Variants in HIP1 observed in about 807,000 individuals in gnomAD.
HIP1 encodes huntingtin-interacting protein 1.
Under a neutral mutation model 147.6 loss-of-function variants are expected in HIP1, and 65 were observed. The observed-to-expected ratio is 0.44, with a 90% CI of 0.36 to 0.54. The LOEUF (loss-of-function observed/expected upper bound fraction) is 0.54, where lower values mean the gene tolerates loss of function less well. HIP1 is among the 20% of genes least tolerant of loss of function. HIP1 has a pLI of 0.00. For missense variants in HIP1, 1,061 were observed against 1,299.6 expected (o/e 0.82, Z 2.82); for synonymous variants, 479 against 504.0 (o/e 0.95, Z 0.67).
At chr7:75,680,660 A>C (rs1465275032) in intron 1 of HIP1, among the ~76,000 whole-genome samples, 1 of 151,774 alleles carries the variant, frequency 6.6e-6, no homozygotes, top group Non-Finnish European at 1.5e-5. Flanking sequence ...CCCAGGTTGG[A>C]GTGCAGTGGC....
In HIP1 at chr7:75,603,239, T is replaced by G. The variant is rs1435048328; in HGVS notation, c.121-3992A>C. On this transcript the variant is annotated intron_variant, in intron 1 of 30. Transcript: ENST00000336926. Reference sequence around the variant, plus strand: ...GGTGTGTGCCTGTAGTCCTAGCTATTAGGGAGGTTGAGGCAGGTGGATTGC... The same window carrying G: ...GGTGTGTGCCTGTAGTCCTAGCTATGAGGGAGGTTGAGGCAGGTGGATTGC... 2.6e-5 allele frequency among the ~76,000 whole-genome samples: 4 copies of G among 150,968 alleles called. No individual in the cohort carries two copies. In the East Asian group the frequency reaches 5.9e-4, roughly 22 times the overall value.
intron 24 of HIP1, among the ~76,000 whole-genome samples, chr7:75,547,247 G>C (rs587710555): frequency 6.6e-6 from 1 of 152,232 alleles, no homozygotes; most frequent in Non-Finnish European, 1.5e-5. Flanking sequence ...GTAAGGAATA[G>C]TGAAATTGTG....
chr7:75,673,668 T>C (rs530171365), intron 1 of HIP1, among the ~76,000 whole-genome samples: 12 of 152,050 alleles, frequency 7.9e-5, no homozygotes, highest in African/African-American at 2.7e-4. Context: ...AGCTAGCATA[T>C]AGAAATACAA....
chr7:75,667,101 C>T (rs1357950204), intron 1 of HIP1, among the ~76,000 whole-genome samples: 1 of 151,924 alleles, frequency 6.6e-6, no homozygotes, highest in African/African-American at 2.4e-5. Flanking sequence ...AACTGTTTTT[C>T]TAGACTTTCT....
chr7:75,683,446 A>AG (rs11438509), intron 1 of HIP1, among the ~76,000 whole-genome samples: 103,964 of 151,402 alleles, frequency 0.69, 36,025 homozygotes, highest in African/African-American at 0.77. Context: ...ACTCGTTGGG[A>AG]GTGCACAGGA....
At chr7:75,636,338 G>A (rs936403291) in intron 1 of HIP1, among the ~76,000 whole-genome samples, 28 of 148,210 alleles carry the variant, frequency 1.9e-4, no homozygotes, top group Non-Finnish European at 3.4e-4. Flanking sequence ...GTGACACAGC[G>A]AGACTCTGTC....
At chr7:75,728,349 C>T (rs1313085071) in intron 1 of HIP1, among the ~76,000 whole-genome samples, 1 of 152,224 alleles carries the variant, frequency 6.6e-6, no homozygotes, top group Non-Finnish European at 1.5e-5. Context: ...TCCTCCCTGG[C>T]TGCCCAGGCA....
Position 75,536,248 on chromosome 7 carries a change from C to T in HIP1, c.*1924G>A, listed in dbSNP as rs1794080802. The T allele has an allele frequency of 4.8e-6, 1 of 210,182 alleles. No individual in the cohort carries two copies. Among genetic ancestry groups the T allele is most frequent in the Non-Finnish European group, 9.6e-6 (1 of 104,264 alleles). 13.0% of individuals were successfully genotyped at this position (210,182 alleles called of 1,614,324 possible). A position where few individuals can be genotyped will look rare whatever the true frequency, so the allele number is the denominator to read the frequency against. On this transcript the variant is annotated 3_prime_UTR_variant, in exon 31 of 31. Coordinates refer to ENST00000336926, the MANE Select transcript of HIP1 (RefSeq NM_005338.7). ...TTTCTAGTGCTGATACTTCCTTAGC[C>T]CAGTATGGAGGTCACACGTCTGAGT...
At chr7:75,676,332 A>C (rs1799885667) in intron 1 of HIP1, among the ~76,000 whole-genome samples, 1 of 152,046 alleles carries the variant, frequency 6.6e-6, no homozygotes, top group African/African-American at 2.4e-5. Context: ...GCAGTTTCTA[A>C]CTCTGCCTCA....
At position 75,537,407 on chromosome 7, in the gene HIP1, C is replaced by A; in HGVS notation, c.*765G>T. ...GGTCAGTGTGGAGGCGGAGATGGAG[C>A]ACCGAGAGGCCTGGGCAGCACCATC... On this transcript the variant is annotated 3_prime_UTR_variant, in exon 31 of 31. Coordinates refer to ENST00000336926, the MANE Select transcript of HIP1 (RefSeq NM_005338.7). The A allele has an allele frequency of 4.3e-6, 1 of 233,122 alleles. No homozygotes were observed. Among genetic ancestry groups the A allele is most frequent in the African/African-American group, 2.2e-5 (1 of 45,372 alleles). 14.4% of individuals were successfully genotyped at this position (233,122 alleles called of 1,614,324 possible).
chr7:75,554,223 G>A lies in HIP1; in HGVS notation c.2051-3C>T, dbSNP rs1794905134. On this transcript the variant is annotated splice_polypyrimidine_tract_variant and splice_region_variant and intron_variant, in intron 20 of 30. Transcript: ENST00000336926. ...GGAATGGAGAAGTCCACTGATGTCT[G>A]CCAGGATTGGAAAGAGAAGTTTCTC... 6.2e-7 allele frequency: 1 copy of A among 1,610,982 alleles called. No individual in the cohort carries two copies. Among genetic ancestry groups the A allele is most frequent in the Admixed American group, 1.7e-5 (1 of 59,938 alleles).
intron 5 of HIP1, among the ~76,000 whole-genome samples, chr7:75,584,848 C>T (rs1187337885): frequency 6.7e-6 from 1 of 148,728 alleles, no homozygotes; most frequent in Non-Finnish European, 1.5e-5. Context: ...TTCCATTTAA[C>T]ACTTTTTTTT....
At chr7:75,674,500 T>TTTTTTTTTC (rs1554515725) in intron 1 of HIP1, among the ~76,000 whole-genome samples, 2 of 114,314 alleles carry the variant, frequency 1.7e-5, no homozygotes, top group African/African-American at 6.9e-5. Context: ...CGGCTTTTTG[T>TTTTTTTTTC]TTTTTTTTTT....
intron 1 of HIP1, among the ~76,000 whole-genome samples, chr7:75,664,322 A>G (rs1281316416): frequency 4.1e-5 from 6 of 146,650 alleles, no homozygotes; most frequent in Admixed American, 2.7e-4. Flanking sequence ...ATGTATACAT[A>G]CACATGCATA....
chr7:75,619,975 C>A (rs1304446796), intron 1 of HIP1, among the ~76,000 whole-genome samples: 2 of 152,168 alleles, frequency 1.3e-5, no homozygotes, highest in Non-Finnish European at 2.9e-5. Flanking sequence ...TAGGGGCCAC[C>A]CAGATCTCTC....
chr7:75,674,165 T>C (rs535497223), intron 1 of HIP1, among the ~76,000 whole-genome samples: 9 of 152,306 alleles, frequency 5.9e-5, no homozygotes, highest in African/African-American at 1.7e-4. Context: ...CCAATATGTG[T>C]GCCTTTTACT....
At chr7:75,627,972 C>A (rs12539806) in intron 1 of HIP1, among the ~76,000 whole-genome samples, 28,883 of 152,148 alleles carry the variant, frequency 0.19, 3,440 homozygotes, top group Middle Eastern at 0.27. Flanking sequence ...ACACCATGAA[C>A]AGGGGTTCCA....
At chr7:75,717,189 T>A (rs1554520704) in intron 1 of HIP1, among the ~76,000 whole-genome samples, 3 of 152,078 alleles carry the variant, frequency 2.0e-5, no homozygotes, top group African/African-American at 7.2e-5. Context: ...GAAATTGATA[T>A]TGATGGAATG....
In HIP1 at chr7:75,544,813, G is replaced by C. The variant is rs150210571; in HGVS notation, c.2661-13C>G. 1 of 1,504,196 alleles carries C rather than the reference G, an allele frequency of 6.6e-7. No individual in the cohort carries two copies. Among genetic ancestry groups the C allele is most frequent in the African/African-American group, 1.4e-5 (1 of 73,054 alleles). 93.2% of individuals were successfully genotyped at this position (1,504,196 alleles called of 1,614,324 possible). ...ATCAGCTGCATCCCTGATGGAAAAC[G>C]ACAAGAGGGACTAGGTTACGGGCAA... is the stretch of plus-strand genomic sequence containing the variant. On this transcript the variant is annotated splice_polypyrimidine_tract_variant and intron_variant, in intron 26 of 30. Coordinates refer to ENST00000336926, the MANE Select transcript of HIP1 (RefSeq NM_005338.7).
Sources: allele counts gnomAD v4.1 joint callset (sites outside exome capture counted in the v4.1 genomes callset), GRCh38; gene constraint gnomAD v4.1.1; transcripts MANE v1.5; gene names NCBI Gene and HGNC (gene_info 2026-07-23, HGNC 2026-07-21).